MGA: variants seen among roughly 807,000 people sequenced by gnomAD.
MGA encodes MAX dimerization protein MGA, also known as MAX gene-associated protein.
In MGA, 40 loss-of-function variants were observed where a neutral mutation model predicts 261.1. The observed-to-expected ratio is 0.15, with a 90% CI of 0.12 to 0.20. The LOEUF is 0.20. Ranked by LOEUF, MGA falls within the 10% of genes least tolerant of loss-of-function variation. The pLI, the probability that MGA is intolerant of heterozygous loss-of-function variation, is 1.00. For synonymous variants in MGA, 1,302 were observed against 1,290.6 expected (o/e 1.01, Z -0.19); for missense variants, 3,397 against 3,630.5 (o/e 0.94, Z 1.65).
intron 1 of MGA, among the ~76,000 whole-genome samples, chr15:41,644,346 CAAAA>C (rs34743222): frequency 1.5e-5 from 1 of 65,706 alleles, no homozygotes; most frequent in Non-Finnish European, 2.8e-5. Flanking sequence ...CCATCTGTAC[CAAAA>C]AAAAAAAAAA....
intron 9 of MGA, among the ~76,000 whole-genome samples, chr15:41,723,945 T>A (rs950191561): frequency 6.6e-6 from 1 of 151,918 alleles, no homozygotes; most frequent in African/African-American, 2.4e-5. Context: ...ATATGAATAA[T>A]CATTCTTGGT....
intron 9 of MGA, among the ~76,000 whole-genome samples, chr15:41,720,899 G>A (rs939137165): frequency 3.9e-5 from 6 of 152,116 alleles, no homozygotes; most frequent in Non-Finnish European, 7.4e-5. Flanking sequence ...CAGAAGTGGC[G>A]AAGAAATAAA....
At chr15:41,735,838 A>G (rs1453382021) in intron 12 of MGA, among the ~76,000 whole-genome samples, 1 of 152,178 alleles carries the variant, frequency 6.6e-6, no homozygotes, top group African/African-American at 2.4e-5. Flanking sequence ...CTTTGCCTGT[A>G]TGTATAGCAA....
intron 1 of MGA, among the ~76,000 whole-genome samples, chr15:41,663,210 G>A (rs1490101031): frequency 6.6e-6 from 1 of 152,046 alleles, no homozygotes; most frequent in Non-Finnish European, 1.5e-5. Context: ...GCTTTTGTGT[G>A]TGTATATGTC....
rs777334667 is a variant in MGA at position 41,711,183 on chromosome 15, CACA to C, written c.2919_2921del (p.Gln981del). On this transcript the variant is annotated inframe_deletion, in exon 8 of 24. Transcript: ENST00000219905. ...CCAAAGCAGATTAGTTTGCGGCAGG[CACA>C]GCAGCAGCAGCAACAGCAACAGGGA... 7.4e-6 allele frequency: 12 copies of C among 1,613,950 alleles called. No homozygotes were observed. The South Asian group carries it at 1.2e-4, about 16-fold the overall frequency.
intron 5 of MGA, among the ~76,000 whole-genome samples, 181 bp downstream of exon 5, chr15:41,699,340 C>T (rs1238106705): frequency 6.6e-6 from 1 of 151,982 alleles, no homozygotes; most frequent in Non-Finnish European, 1.5e-5. Context: ...TCTCTGTCTC[C>T]ATAATTCTTC....
In MGA at chr15:41,766,143, C is replaced by T. The variant is rs773486860; in HGVS notation, c.8061C>T (p.Thr2687=). ...AGCCATCTGACCATCTGAAAGACAC[C>T]GTCAGGAATGAAGATAATTCCTTAG... Residue 2687 remains threonine, a synonymous_variant, in exon 24 of 24, where the codon ACC becomes ACT. Transcript: ENST00000219905. 20 of 1,613,868 alleles carry T rather than the reference C, an allele frequency of 1.2e-5. No homozygotes were observed. Among genetic ancestry groups the T allele is most frequent in the South Asian group, 1.2e-4 (11 of 91,086 alleles).
At chr15:41,715,841 A>T (rs1039669761) in intron 9 of MGA, among the ~76,000 whole-genome samples, 6 of 151,394 alleles carry the variant, frequency 4.0e-5, no homozygotes, top group Admixed American at 6.6e-5. Flanking sequence ...TAGATTTATT[A>T]GTTTAGTTCT....
chr15:41,677,674 A>T (rs1363260030), intron 2 of MGA, among the ~76,000 whole-genome samples: 1 of 152,108 alleles, frequency 6.6e-6, no homozygotes, highest in Admixed American at 6.6e-5. Flanking sequence ...TTTAATTTGC[A>T]TTTCCCTAAT....
Position 41,736,246 on chromosome 15 carries a change from T to G in MGA, c.3982T>G (p.Ser1328Ala). 1.2e-6 allele frequency: 2 copies of G among 1,613,818 alleles called. No individual in the cohort carries two copies. The highest frequency in any genetic ancestry group is 1.7e-6 in the Non-Finnish European group (2 of 1,179,780). The change falls in exon 13 of 24, where the codon TCA becomes GCA. Residue 1328 changes from serine (S) to alanine (A), a missense_variant. Physicochemically the swap from Ser to Ala is moderately conservative, Grantham distance 99 (BLOSUM62 1). Coordinates refer to ENST00000219905, the MANE Select transcript of MGA (RefSeq NM_001164273.2). ...TTCTACTTCTTATATGCATCAGAGG[T>G]CACCTGGTGGTCCCACCAAACTGAT...
chr15:41,716,119 G>A (rs566217518), intron 9 of MGA, among the ~76,000 whole-genome samples: 1 of 152,020 alleles, frequency 6.6e-6, no homozygotes, highest in South Asian at 2.1e-4. Flanking sequence ...CTATCTAGGA[G>A]CCATCAGTTT....
chr15:41,687,106 C>A (rs990048875), intron 2 of MGA, among the ~76,000 whole-genome samples: 1 of 151,896 alleles, frequency 6.6e-6, no homozygotes, highest in Non-Finnish European at 1.5e-5. Context: ...GAATTCAAAT[C>A]ATGACTTCAA....
At chr15:41,724,909 A>G (rs2151649691) in intron 9 of MGA, among the ~76,000 whole-genome samples, 1 of 152,158 alleles carries the variant, frequency 6.6e-6, no homozygotes, top group East Asian at 1.9e-4. Context: ...GTTCTTTACC[A>G]GTTGTTATTA....
intron 9 of MGA, among the ~76,000 whole-genome samples, chr15:41,726,451 AGGCATGGTGGCTCACAACTGTAATCT>A (rs2061252884): frequency 6.6e-6 from 1 of 152,196 alleles, no homozygotes; most frequent in South Asian, 2.1e-4. Context: ...CTTTTTGACT[AGGCATGGTGGCTCACAACTGTAATCT>A]GGCACTGTGG....
intron 19 of MGA, among the ~76,000 whole-genome samples, chr15:41,759,464 ATTTTTT>A (rs67238224): frequency 1.5e-4 from 14 of 94,606 alleles, no homozygotes; most frequent in South Asian, 3.6e-4. Context: ...GTGTGTGTGT[ATTTTTT>A]TTTTTTTTTT....
In MGA at chr15:41,635,072, G is replaced by A. The variant is rs141120510; in HGVS notation, c.-68+13774G>A. Among the ~76,000 whole-genome samples, 728 of 152,096 alleles carry A rather than the reference G, an allele frequency of 4.8e-3. 7 individuals carry two copies. The highest frequency in any genetic ancestry group is 0.017 in the African/African-American group (704 of 41,472). On this transcript the variant is annotated intron_variant, in intron 1 of 8. Transcript: ENST00000566718. ...AAATTGGCTGGGTGTGGTGGCTCAC[G>A]TGTGTAATCCCAGCACCTAGGGAGG...
Position 41,696,059 on chromosome 15 carries a change from T to A in MGA, c.1065-16T>A. On this transcript the variant is annotated splice_polypyrimidine_tract_variant and intron_variant, in intron 2 of 23. Coordinates refer to ENST00000219905, the MANE Select transcript of MGA (RefSeq NM_001164273.2). Reference sequence around the variant, plus strand: ...ATTTTGTACTTTTAAAATCCCTTTCTCCTCTCTCTCTCCAGTCTTATTGCC... The same window carrying A: ...ATTTTGTACTTTTAAAATCCCTTTCACCTCTCTCTCTCCAGTCTTATTGCC... 6.5e-7 allele frequency: 1 copy of A among 1,535,274 alleles called. No individual in the cohort carries two copies. The highest frequency in any genetic ancestry group is 8.9e-7 in the Non-Finnish European group (1 of 1,129,282).
chr15:41,673,761 T>C (rs952365659), intron 2 of MGA, among the ~76,000 whole-genome samples: 1 of 151,930 alleles, frequency 6.6e-6, no homozygotes, highest in Non-Finnish European at 1.5e-5. Flanking sequence ...CAGACTGGTC[T>C]CGAACTCATG....
intron 1 of MGA, among the ~76,000 whole-genome samples, chr15:41,628,545 A>G (rs1427757237): frequency 6.6e-6 from 1 of 152,030 alleles, no homozygotes; most frequent in Admixed American, 6.6e-5. Flanking sequence ...GGAGAATTGG[A>G]AGTGGTGGGA....
Sources: allele counts gnomAD v4.1 joint callset (sites outside exome capture counted in the v4.1 genomes callset), GRCh38; gene constraint gnomAD v4.1.1; transcripts MANE v1.5; gene names NCBI Gene and HGNC (gene_info 2026-07-23, HGNC 2026-07-21).